Variants in FANCC observed in about 807,000 individuals in gnomAD.
The protein encoded by FANCC is Fanconi anemia group C protein.
A neutral mutation model predicts 71.3 loss-of-function variants in FANCC; 55 were observed. That is an observed-to-expected ratio of 0.77 (90% confidence interval 0.62 to 0.97). The LOEUF (loss-of-function observed/expected upper bound fraction) is 0.97, where lower values mean the gene tolerates loss of function less well. Ranked by LOEUF, FANCC falls within the 50% of genes least tolerant of loss-of-function variation. FANCC has a pLI of 0.00. For synonymous variants in FANCC, 275 were observed against 244.9 expected (o/e 1.12, Z -1.15); for missense variants, 678 against 670.9 (o/e 1.01, Z -0.12).
chr9:95,211,210 C>A (rs1276543940), intron 4 of FANCC, among the ~76,000 whole-genome samples: 8 of 152,216 alleles, frequency 5.3e-5, no homozygotes, highest in Non-Finnish European at 1.2e-4. Context: ...TGCCTGGGTG[C>A]ACTTTCTGAA....
intron 7 of FANCC, among the ~76,000 whole-genome samples, chr9:95,141,778 T>C (rs1828735145): frequency 6.6e-6 from 1 of 152,156 alleles, no homozygotes; most frequent in African/African-American, 2.4e-5. Context: ...GTTCTTCTGA[T>C]AGATAATGAA....
In FANCC at chr9:95,125,077, A is replaced by T. The variant is rs757984397; in HGVS notation, c.996+9T>A. On this transcript the variant is annotated intron_variant, in intron 10 of 14. Transcript: ENST00000289081. ...GGGATGAATGAGTAATATATGTGAT[A>T]TAACAAACCTGCTTGCTTGCTTTCT... 1 of 1,611,616 alleles carries T rather than the reference A, an allele frequency of 6.2e-7. No individual in the cohort carries two copies. Among genetic ancestry groups the T allele is most frequent in the Non-Finnish European group, 8.5e-7 (1 of 1,177,652 alleles).
At chr9:95,181,860 C>G (rs1360474527) in intron 4 of FANCC, among the ~76,000 whole-genome samples, 4 of 152,192 alleles carry the variant, frequency 2.6e-5, no homozygotes, top group Non-Finnish European at 2.9e-5. Flanking sequence ...AGTGAACTTT[C>G]CTAAGAAGGG....
chr9:95,151,057 C>T (rs1312315385), intron 6 of FANCC, among the ~76,000 whole-genome samples: 1 of 152,208 alleles, frequency 6.6e-6, no homozygotes, highest in African/African-American at 2.4e-5. Context: ...CCGAACAGTG[C>T]ACATTTACAG....
rs146545944 is a variant in FANCC at position 95,313,419 on chromosome 9, G to A, written c.-79+4107C>T. ...CTGGAGGAGTCACGGCCAGGTGCGC[G>A]CACGACAACCTTCACCGGAGAAGTC... On this transcript the variant is annotated intron_variant, in intron 1 of 14. Coordinates refer to ENST00000289081, the MANE Select transcript of FANCC (RefSeq NM_000136.3). 1.4e-3 allele frequency among the ~76,000 whole-genome samples: 219 copies of A among 152,356 alleles called. 6 individuals are homozygous for A. Among genetic ancestry groups the A allele is most frequent in the Non-Finnish European group, 5.1e-4 (35 of 68,026 alleles).
chr9:95,243,429 T>G (rs1830748500), intron 3 of FANCC, among the ~76,000 whole-genome samples: 2 of 152,206 alleles, frequency 1.3e-5, no homozygotes, highest in South Asian at 4.1e-4. Flanking sequence ...CTATTCTCCA[T>G]GAACACTACA....
At chr9:95,207,876 G>C (rs994338347) in intron 4 of FANCC, among the ~76,000 whole-genome samples, 1 of 152,080 alleles carries the variant, frequency 6.6e-6, no homozygotes, top group Admixed American at 6.6e-5. Flanking sequence ...GTGTGTGTAC[G>C]TGTGTGTCTG....
intron 3 of FANCC, among the ~76,000 whole-genome samples, chr9:95,244,360 T>C (rs1420954490): frequency 6.6e-6 from 1 of 152,150 alleles, no homozygotes; most frequent in Non-Finnish European, 1.5e-5. Flanking sequence ...TGAGCCGCGT[T>C]TTCCTAAGGG....
chr9:95,126,703 T>C, intron 8 of FANCC, 122 bp from the exon 9 acceptor site: 2 of 989,792 alleles, frequency 2.0e-6, no homozygotes, highest in Non-Finnish European at 3.2e-6. Flanking sequence ...ATACTCCTTT[T>C]GGTTAGAAGA....
intron 13 of FANCC, among the ~76,000 whole-genome samples, chr9:95,109,120 C>CGCCT (rs1320445293): frequency 6.6e-6 from 1 of 152,094 alleles, no homozygotes; most frequent in Non-Finnish European, 1.5e-5. Flanking sequence ...CTATGTTGCC[C>CGCCT]AGGCTGGTCT....
chr9:95,183,403 AAT>A (rs759850070), intron 4 of FANCC, among the ~76,000 whole-genome samples: 1 of 152,242 alleles, frequency 6.6e-6, no homozygotes, highest in Non-Finnish European at 1.5e-5. Flanking sequence ...GGAGCCACAC[AAT>A]AGTCATTCAA....
chr9:95,240,332 A>AT (rs2136047012), intron 4 of FANCC, among the ~76,000 whole-genome samples: 1 of 152,334 alleles, frequency 6.6e-6, no homozygotes, highest in African/African-American at 2.4e-5. Flanking sequence ...GGGAAAAACA[A>AT]TTTTTTGAAG....
chr9:95,146,307 T>G (rs913698399), intron 7 of FANCC, among the ~76,000 whole-genome samples: 1 of 151,472 alleles, frequency 6.6e-6, no homozygotes, highest in African/African-American at 2.4e-5. Context: ...GGCAACATGG[T>G]GAAATGCCGT....
Position 95,142,026 on chromosome 9 carries a change from CTT to C in FANCC, c.687-6526_687-6525del, listed in dbSNP as rs1236224869. On this transcript the variant is annotated intron_variant, in intron 7 of 14. Transcript: ENST00000289081. ...TTTTTTTTTGAGGCAGAGTTTTGCT[CTT>C]GTCGCCCAGGCTGGAGTGCAATGGC... Among the ~76,000 whole-genome samples, 5 of 90,460 alleles carry C rather than the reference CTT, an allele frequency of 5.5e-5. No individual in the cohort carries two copies. In the East Asian group the frequency reaches 1.5e-3, roughly 27 times the overall value. The allele number at this position is 90,460 out of a possible 152,430, so 59.3% of individuals were successfully genotyped here. A position where few individuals can be genotyped will look rare whatever the true frequency, so the allele number is the denominator to read the frequency against.
intron 1 of FANCC, chr9:95,294,719 T>C (rs1834268232): frequency 1.2e-6 from 2 of 1,602,228 alleles, no homozygotes. Flanking sequence ...GACTTTCTTC[T>C]GGCTGATATG....
At chr9:95,292,810 T>C (rs567156642) in intron 1 of FANCC, 1 of 1,574,128 alleles carries the variant, frequency 6.4e-7, no homozygotes, top group Non-Finnish European at 8.7e-7. Flanking sequence ...TTTATGAAAA[T>C]CCATGCTGAG....
intron 1 of FANCC, among the ~76,000 whole-genome samples, chr9:95,300,308 A>T (rs895304555): frequency 1.3e-5 from 2 of 152,180 alleles, no homozygotes; most frequent in Non-Finnish European, 2.9e-5. Context: ...TGGAGGAGAA[A>T]ATAAGAAAGA....
intron 1 of FANCC, among the ~76,000 whole-genome samples, chr9:95,310,011 G>A (rs1036851578): frequency 6.6e-6 from 1 of 152,078 alleles, no homozygotes; most frequent in African/African-American, 2.4e-5. Flanking sequence ...TGTGAGGGAA[G>A]ATCTAAATAT....
chr9:95,118,015 G>A (rs1048648972), intron 10 of FANCC, among the ~76,000 whole-genome samples: 2 of 150,972 alleles, frequency 1.3e-5, no homozygotes, highest in African/African-American at 4.9e-5. Flanking sequence ...CACCATGCCC[G>A]GCTTGTTTTT....
Sources: allele counts gnomAD v4.1 joint callset (sites outside exome capture counted in the v4.1 genomes callset), GRCh38; gene constraint gnomAD v4.1.1; transcripts MANE v1.5; gene names NCBI Gene and HGNC (gene_info 2026-07-23, HGNC 2026-07-21).